The following CDADC1 variants were observed in gnomAD, a reference collection of about 807,000 sequenced individuals.
CDADC1 encodes the protein dCTP deaminase.
A neutral mutation model predicts 54.9 loss-of-function variants in CDADC1; 39 were observed. The observed-to-expected ratio is 0.71, with a 90% CI of 0.55 to 0.93. The LOEUF (loss-of-function observed/expected upper bound fraction) is 0.93. Among genes scored for constraint, CDADC1 ranks in the 40% least tolerant of loss-of-function variants. The pLI is 0.00. For synonymous variants in CDADC1, 186 were observed against 204.0 expected, an observed-to-expected ratio of 0.91 and a Z score of 0.75; for missense variants, 518 against 618.8, an observed-to-expected ratio of 0.84 and a Z score of 1.73.
chr13:49,274,230 A>AG, intron 5 of CDADC1, 61 bp from the exon 6 acceptor site: 1 of 1,325,922 alleles, frequency 7.5e-7, no homozygotes. Context: ...TTTTGGAAAA[A>AG]TATATTTCTA....
chr13:49,270,128 G>A (rs111808977), intron 5 of CDADC1, among the ~76,000 whole-genome samples: 4 of 152,240 alleles, frequency 2.6e-5, no homozygotes, highest in African/African-American at 9.6e-5. Flanking sequence ...GCGTTGAATG[G>A]ATAAAACAAA....
At chr13:49,261,450 T>C (rs563134177) in intron 4 of CDADC1, among the ~76,000 whole-genome samples, 2 of 152,342 alleles carry the variant, frequency 1.3e-5, no homozygotes, top group South Asian at 2.1e-4. Context: ...TCATCACTCA[T>C]GTTCAACTGA....
intron 2 of CDADC1, 151 bp downstream of exon 2, chr13:49,249,116 C>G (rs1952363720): frequency 3.3e-6 from 2 of 599,968 alleles, no homozygotes; most frequent in Non-Finnish European, 5.9e-6. Flanking sequence ...CTTTATAATT[C>G]CCAGCCGTAA....
chr13:49,251,534 A>G (rs1952434205), intron 2 of CDADC1, among the ~76,000 whole-genome samples: 1 of 152,072 alleles, frequency 6.6e-6, no homozygotes, highest in Non-Finnish European at 1.5e-5. Flanking sequence ...TATACACACC[A>G]CATCCTGTGC....
At chr13:49,268,845 TTCAA>T (rs1381555265) in intron 5 of CDADC1, among the ~76,000 whole-genome samples, 1 of 152,208 alleles carries the variant, frequency 6.6e-6, no homozygotes, top group African/African-American at 2.4e-5. Context: ...CTGGTATGTC[TTCAA>T]TCAGCAAGTT....
In CDADC1 at chr13:49,280,486, ATATTT is replaced by A. The variant is rs759344831; in HGVS notation, c.1221-19_1221-15del. The A allele has an allele frequency of 5.4e-6, 7 of 1,292,084 alleles. No homozygotes were observed. The South Asian group carries it at 6.1e-5, about 11-fold the overall frequency. The allele number at this position is 1,292,084 out of a possible 1,614,324, so 80.0% of individuals were successfully genotyped here. A position where few individuals can be genotyped will look rare whatever the true frequency, so the allele number is the denominator to read the frequency against. On this transcript the variant is annotated intron_variant, in intron 7 of 9. Transcript: ENST00000251108. The stretch of plus-strand genomic sequence containing the variant: ...TACCCTTTCAGAAACGACCTTTCTG[ATATTT>A]TATAATTTTTTTTGTAGGTGTCAAG...
At chr13:49,272,284 CTTATGT>C (rs1309634361) in intron 5 of CDADC1, among the ~76,000 whole-genome samples, 1 of 152,136 alleles carries the variant, frequency 6.6e-6, no homozygotes, top group Non-Finnish European at 1.5e-5. Flanking sequence ...CAAATATAAT[CTTATGT>C]TTATAACTTC....
chr13:49,292,084 A>G lies in CDADC1; in HGVS notation c.*327A>G. The G allele has an allele frequency of 1.8e-6, 2 of 1,085,628 alleles. No individual in the cohort carries two copies. The highest frequency in any genetic ancestry group is 2.2e-6 in the Non-Finnish European group (2 of 890,620). The allele number at this position is 1,085,628 out of a possible 1,614,324, so 67.2% of individuals were successfully genotyped here. On this transcript the variant is annotated 3_prime_UTR_variant, in exon 10 of 10. Coordinates refer to ENST00000251108, the MANE Select transcript of CDADC1 (RefSeq NM_030911.4). ...CCAATTTGAAAGGGTCTGCTTCACAAGAGGTCATGCCTCTGCAGGGAATCA... is the reference window on the plus strand; with the variant it reads ...CCAATTTGAAAGGGTCTGCTTCACAGGAGGTCATGCCTCTGCAGGGAATCA...
At position 49,252,268 on chromosome 13, in the gene CDADC1, C is replaced by T. The variant is rs189978562; in HGVS notation, c.177+3303C>T. Among the ~76,000 whole-genome samples the T allele has an allele frequency of 5.3e-4, 80 of 152,282 alleles. 1 individual carries two copies. The highest frequency in any genetic ancestry group is 9.4e-4 in the Non-Finnish European group (64 of 68,022). ...CACCATGGTCTTGGGTAGGCCTTTA[C>T]TTCTGTTCTTACCTACAGGGCTTGG... is the stretch of plus-strand genomic sequence containing the variant. On this transcript the variant is annotated intron_variant, in intron 2 of 9. Coordinates refer to ENST00000251108, the MANE Select transcript of CDADC1 (RefSeq NM_030911.4).
intron 1 of CDADC1, chr13:49,248,339 T>C (rs1952344442): frequency 3.8e-6 from 2 of 530,138 alleles, no homozygotes; most frequent in Non-Finnish European, 6.8e-6. Context: ...TGTTAGCTAC[T>C]TCTCACAGGA....
In CDADC1 at chr13:49,255,826, T is replaced by C; in HGVS notation, c.178-13T>C. ...TGCTAATCTTTTTTTTTCCTTAATC[T>C]GATTTTTATTAGAAAAATGAAGAGG... On this transcript the variant is annotated splice_polypyrimidine_tract_variant and intron_variant, in intron 2 of 9. Coordinates refer to ENST00000251108, the MANE Select transcript of CDADC1 (RefSeq NM_030911.4). The C allele has an allele frequency of 1.2e-6, 2 of 1,608,562 alleles. No homozygotes were observed. The highest frequency in any genetic ancestry group is 1.1e-5 in the South Asian group (1 of 89,554).
At chr13:49,273,969 A>C (rs1466483269) in intron 5 of CDADC1, among the ~76,000 whole-genome samples, 2 of 152,192 alleles carry the variant, frequency 1.3e-5, no homozygotes, top group Non-Finnish European at 2.9e-5. Flanking sequence ...CCGGCTTGTT[A>C]ATGGAGAATC....
chr13:49,260,581 A>G (rs1211152183), intron 4 of CDADC1, among the ~76,000 whole-genome samples: 1 of 152,202 alleles, frequency 6.6e-6, no homozygotes, highest in Non-Finnish European at 1.5e-5. Context: ...GGAAGGAGGA[A>G]CACAAATTTT....
intron 4 of CDADC1, 35 bp downstream of exon 4, chr13:49,259,558 G>A (rs2138204054): frequency 6.3e-7 from 1 of 1,595,682 alleles, no homozygotes. Context: ...GGGATTAAGA[G>A]TATTTATCTG....
At chr13:49,275,458 A>C (rs529316763) in intron 6 of CDADC1, among the ~76,000 whole-genome samples, 1 of 151,372 alleles carries the variant, frequency 6.6e-6, no homozygotes, top group African/African-American at 2.4e-5. Context: ...AGGCAGAGCA[A>C]GTTAATGGGA....
chr13:49,251,554 GT>G (rs997104043), intron 2 of CDADC1, among the ~76,000 whole-genome samples: 5 of 148,646 alleles, frequency 3.4e-5, no homozygotes, highest in East Asian at 2.0e-4. Flanking sequence ...CTGAAATTAA[GT>G]TTTTTTTTTC....
intron 2 of CDADC1, among the ~76,000 whole-genome samples, chr13:49,255,467 T>C (rs1952521895): frequency 6.6e-6 from 1 of 152,216 alleles, no homozygotes; most frequent in Non-Finnish European, 1.5e-5. Flanking sequence ...TGCTACATAG[T>C]TCCTTATCTT....
rs140788779 is a variant in CDADC1, at chr13:49,278,496, G to A, written c.1197G>A (p.Ala399=). 7.1e-5 allele frequency: 111 copies of A among 1,553,634 alleles called. No homozygotes were observed. Among genetic ancestry groups the A allele is most frequent in the Non-Finnish European group, 8.9e-5 (101 of 1,137,392 alleles). ...GGAAATTCAGATACATCATACATGC[G>A]GAACAGAATGCCTTGACATTTAGGT... The part of the protein sequence containing the change: ...EIRKFRYIIH[A]EQNALTFRCQ... The change falls in exon 7 of 10, where the codon GCG becomes GCA. Residue 399 remains alanine, a synonymous_variant. Transcript: ENST00000251108.
At chr13:49,286,113 C>A in intron 8 of CDADC1, 109 bp from the exon 9 acceptor site, 1 of 887,400 alleles carries the variant, frequency 1.1e-6, no homozygotes, top group Non-Finnish European at 1.8e-6. Context: ...TATGCCCAGC[C>A]ATTTTTCTTC....
Sources: gnomAD v4.1 joint callset for allele counts (sites outside exome capture counted in the v4.1 genomes callset) on GRCh38, gnomAD v4.1.1 for gene constraint, MANE v1.5 for transcripts, NCBI Gene and HGNC (gene_info 2026-07-23, HGNC 2026-07-21) for gene names.